RNF212B: variants seen among roughly 807,000 people sequenced by gnomAD.
The protein encoded by RNF212B is ring finger protein 212B.
A neutral mutation model predicts 55.5 loss-of-function variants in RNF212B; 52 were observed. The observed-to-expected ratio is 0.94, with a 90% CI of 0.75 to 1.18. The LOEUF (loss-of-function observed/expected upper bound fraction) is 1.18. Among genes scored for constraint, RNF212B ranks in the 50% most tolerant of loss-of-function variants. The pLI is 0.00. For synonymous variants in RNF212B, 99 were observed against 121.4 expected (o/e 0.82, Z 1.21); for missense variants, 289 against 350.4 (o/e 0.82, Z 1.40).
chr14:23,230,984 A>G (rs144837758), intron 2 of RNF212B, among the ~76,000 whole-genome samples: 46 of 152,278 alleles, frequency 3.0e-4, no homozygotes, highest in Non-Finnish European at 5.3e-4. Flanking sequence ...ATATATGTCT[A>G]TCCTTATGCT....
At chr14:23,204,707 C>CA (rs1196890717) in intron 2 of RNF212B, among the ~76,000 whole-genome samples, 1 of 152,072 alleles carries the variant, frequency 6.6e-6, no homozygotes, top group Non-Finnish European at 1.5e-5. Context: ...GCTATGCAGG[C>CA]ACTTTTTTCA....
At chr14:23,259,749 C>T (rs1885162203) in intron 5 of RNF212B, 135 bp from the exon 6 acceptor site, 1 of 461,376 alleles carries the variant, frequency 2.2e-6, no homozygotes, top group East Asian at 3.6e-5. Flanking sequence ...ATCATCAAAT[C>T]CCTGATAGAA....
rs1468404118 is a variant in RNF212B at position 23,264,240 on chromosome 14, T to C, written c.585+6T>C. On this transcript the variant is annotated splice_donor_region_variant and intron_variant, in intron 10 of 14. Transcript: ENST00000430154. ...GCTTTGGTAGCTTGGGACAAGTAAGTAATGTTCACCTTATCTTTCCAGATT... is the reference window on the plus strand; with the variant it reads ...GCTTTGGTAGCTTGGGACAAGTAAGCAATGTTCACCTTATCTTTCCAGATT... 2 of 1,543,890 alleles carry C rather than the reference T, an allele frequency of 1.3e-6. No individual in the cohort carries two copies. The highest frequency in any genetic ancestry group is 1.8e-6 in the Non-Finnish European group (2 of 1,141,006).
chr14:23,203,583 A>G (rs769165587), intron 2 of RNF212B, among the ~76,000 whole-genome samples: 1 of 151,448 alleles, frequency 6.6e-6, no homozygotes, highest in Non-Finnish European at 1.5e-5. Context: ...GGTTCAAGCA[A>G]TTCTCATGCC....
chr14:23,270,624 T>TAGAG lies in RNF212B; in HGVS notation c.800_803dup (p.Ser268ArgfsTer5), dbSNP rs1258079982. 6.5e-7 allele frequency: 1 copy of TAGAG among 1,550,138 alleles called. No homozygotes were observed. The highest frequency in any genetic ancestry group is 1.4e-5 in the African/African-American group (1 of 73,044). On this transcript the variant is annotated frameshift_variant, in exon 14 of 15. Coordinates refer to ENST00000430154, the MANE Select transcript of RNF212B (RefSeq NM_001282322.3). LOFTEE classifies it high-confidence loss of function. ...GCTCAGAGGGAGAGCACAACTACAC[T>TAGAG]AGAGAGTCTTCCTAGTTTCCAGCTA...
chr14:23,271,288 C>CA (rs1195661085), intron 14 of RNF212B, among the ~76,000 whole-genome samples: 2 of 151,898 alleles, frequency 1.3e-5, no homozygotes, highest in African/African-American at 4.8e-5. Context: ...ACTGAAAATA[C>CA]AAAAATTAGC....
intron 11 of RNF212B, among the ~76,000 whole-genome samples, chr14:23,265,376 A>G (rs1328883087): frequency 6.6e-6 from 1 of 152,216 alleles, no homozygotes; most frequent in Non-Finnish European, 1.5e-5. Context: ...AAAATATTCC[A>G]GTGAAGGAAT....
chr14:23,189,151 C>T (rs556731280), intron 1 of RNF212B, among the ~76,000 whole-genome samples: 1 of 152,296 alleles, frequency 6.6e-6, no homozygotes, highest in African/African-American at 2.4e-5. Flanking sequence ...CAATTACCTG[C>T]TCCTCTCTTC....
intron 2 of RNF212B, among the ~76,000 whole-genome samples, chr14:23,213,259 G>A (rs1400011274): frequency 6.6e-6 from 1 of 151,632 alleles, no homozygotes; most frequent in Non-Finnish European, 1.5e-5. Flanking sequence ...CTTGCAGTGA[G>A]CCGAGATCGC....
chr14:23,262,607 G>T, intron 7 of RNF212B, 58 bp from the exon 8 acceptor site: 1 of 1,409,472 alleles, frequency 7.1e-7, no homozygotes, highest in Non-Finnish European at 9.7e-7. Flanking sequence ...ATCCTCTAAA[G>T]TGGCACTTGA....
chr14:23,238,807 AC>A (rs1395431969), intron 1 of RNF212B, among the ~76,000 whole-genome samples: 2 of 150,680 alleles, frequency 1.3e-5, no homozygotes, highest in Non-Finnish European at 3.0e-5. Context: ...TTACAAAGTC[AC>A]ATTTACTCAG....
chr14:23,219,320 T>C (rs902878714), intron 2 of RNF212B, among the ~76,000 whole-genome samples: 2 of 152,182 alleles, frequency 1.3e-5, no homozygotes, highest in African/African-American at 4.8e-5. Context: ...TTTCTACTCT[T>C]GTCTTAAATA....
At chr14:23,235,425 T>C (rs1173454150), upstream of RNF212B, among the ~76,000 whole-genome samples, 1 of 152,208 alleles carries the variant, frequency 6.6e-6, no homozygotes, top group Non-Finnish European at 1.5e-5. Flanking sequence ...ACTTTTTTCA[T>C]GGAATACTGT....
At chr14:23,186,593 C>T (rs112849992) in intron 1 of RNF212B, among the ~76,000 whole-genome samples, 3,082 of 152,222 alleles carry the variant, frequency 0.02, 38 homozygotes, top group Middle Eastern at 0.085. Context: ...TGTGATCCAC[C>T]CGCCTCGGCC....
chr14:23,233,562 CAAAAA>C (rs35654046), upstream of RNF212B, among the ~76,000 whole-genome samples: 2 of 58,390 alleles, frequency 3.4e-5, no homozygotes, highest in Non-Finnish European at 6.2e-5. Flanking sequence ...CCCATCTCTA[CAAAAA>C]AAAAAAAAAA....
intron 2 of RNF212B, among the ~76,000 whole-genome samples, chr14:23,226,685 G>A (rs1882052918): frequency 6.6e-6 from 1 of 151,950 alleles, no homozygotes; most frequent in African/African-American, 2.4e-5. Flanking sequence ...GATGGTAAGA[G>A]ATGGCACAAG....
intron 4 of RNF212B, among the ~76,000 whole-genome samples, chr14:23,249,474 G>A (rs1471676181): frequency 2.0e-5 from 3 of 152,198 alleles, no homozygotes; most frequent in African/African-American, 7.2e-5. Context: ...GATCCCAAGA[G>A]GTTGAGGCTG....
At chr14:23,233,551 C>T (rs1464981950), upstream of RNF212B, among the ~76,000 whole-genome samples, 2 of 132,020 alleles carry the variant, frequency 1.5e-5, no homozygotes, top group African/African-American at 6.0e-5. Flanking sequence ...CATGGTGAAA[C>T]CCCATCTCTA....
At chr14:23,202,247 T>C (rs1480923962) in intron 2 of RNF212B, among the ~76,000 whole-genome samples, 1 of 31,102 alleles carries the variant, frequency 3.2e-5, no homozygotes, top group East Asian at 9.2e-4. Flanking sequence ...CAAGACCCTG[T>C]CTTAAAAAAA....
Sources: gnomAD v4.1 joint callset for allele counts (sites outside exome capture counted in the v4.1 genomes callset) on GRCh38, gnomAD v4.1.1 for gene constraint, MANE v1.5 for transcripts, NCBI Gene and HGNC (gene_info 2026-07-23, HGNC 2026-07-21) for gene names.